Variants in CCDC7 observed in about 807,000 individuals in gnomAD.
The protein encoded by CCDC7 is coiled-coil domain containing 7.
CCDC7 carries 183 observed loss-of-function variants against 196.9 expected under a neutral mutation model. That is an observed-to-expected ratio of 0.93 (90% CI 0.82 to 1.05). The LOEUF (loss-of-function observed/expected upper bound fraction) is 1.05. Ranked by LOEUF, CCDC7 falls within the 50% of genes least tolerant of loss-of-function variation. The pLI, the probability that CCDC7 is intolerant of heterozygous loss-of-function variation, is 0.00. For missense variants in CCDC7, 1,540 were observed against 1,482.2 expected (o/e 1.04, Z -0.64); for synonymous variants, 525 against 484.6 (o/e 1.08, Z -1.10).
At chr10:32,488,396 G>T (rs1407106030) in intron 8 of CCDC7, among the ~76,000 whole-genome samples, 1 of 152,168 alleles carries the variant, frequency 6.6e-6, no homozygotes, top group Non-Finnish European at 1.5e-5. Context: ...CCCTTTCTTT[G>T]ACTAGGAAAG....
chr10:32,570,887 T>G (rs935401555), intron 15 of CCDC7, among the ~76,000 whole-genome samples: 1 of 152,034 alleles, frequency 6.6e-6, no homozygotes, highest in African/African-American at 2.4e-5. Flanking sequence ...AGAAACTGAA[T>G]TAGATGAAAA....
intron 26 of CCDC7, 118 bp downstream of exon 27, chr10:32,726,950 T>TCAGGGCAAAGTC: frequency 1.6e-6 from 1 of 641,700 alleles, no homozygotes; most frequent in Non-Finnish European, 2.5e-6. Context: ...ATCGTAGACT[T>TCAGGGCAAAGTC]TGCCCTGAAG....
intron 40 of CCDC7, among the ~76,000 whole-genome samples, chr10:32,852,457 C>T (rs2093599645): frequency 6.6e-6 from 1 of 152,096 alleles, no homozygotes; most frequent in Admixed American, 6.6e-5. Flanking sequence ...CACCCTGGTA[C>T]ATTTTCTACA....
rs938167910 is a variant in CCDC7 at position 32,656,711 on chromosome 10, A to C, written c.2015-7343A>C. Among the ~76,000 whole-genome samples the C allele has an allele frequency of 2.6e-5, 4 of 152,324 alleles. No individual in the cohort carries two copies. In the East Asian group the frequency reaches 7.7e-4, roughly 29 times the overall value. ...TGGGTGCGGCGAGCCAAACCATATC[A>C]TTCCACCCGGCCCCTCCCAAATCTC... On this transcript the variant is annotated intron_variant, in intron 20 of 41. Transcript: ENST00000639629.
chr10:32,780,449 GAC>G (rs2080865697), intron 29 of CCDC7, among the ~76,000 whole-genome samples: 1 of 152,130 alleles, frequency 6.6e-6, no homozygotes. Context: ...TTATGTTATG[GAC>G]ACACAATATA....
At chr10:32,824,942 G>A (rs1593170813) in intron 32 of CCDC7, among the ~76,000 whole-genome samples, 1 of 152,214 alleles carries the variant, frequency 6.6e-6, no homozygotes, top group East Asian at 1.9e-4. Context: ...TTATGAACAT[G>A]ATAACAAGAT....
chr10:32,459,400 A>G (rs1052763312), intron 3 of CCDC7, among the ~76,000 whole-genome samples: 3 of 152,020 alleles, frequency 2.0e-5, no homozygotes, highest in African/African-American at 7.3e-5. Flanking sequence ...CAGTAACACA[A>G]TTTCTTGGGA....
chr10:32,563,449 G>C (rs1247460185), intron 13 of CCDC7, among the ~76,000 whole-genome samples: 1 of 152,154 alleles, frequency 6.6e-6, no homozygotes, highest in Admixed American at 6.5e-5. Context: ...TACCAAAACA[G>C]AGATATAGAT....
intron 21 of CCDC7, among the ~76,000 whole-genome samples, chr10:32,671,181 T>C (rs2073992459): frequency 6.6e-6 from 1 of 152,154 alleles, no homozygotes; most frequent in Non-Finnish European, 1.5e-5. Context: ...ACCACTCACT[T>C]ACTCACTCAC....
At chr10:32,788,805 C>T (rs1281315381) in intron 29 of CCDC7, among the ~76,000 whole-genome samples, 1 of 152,240 alleles carries the variant, frequency 6.6e-6, no homozygotes, top group East Asian at 1.9e-4. Flanking sequence ...CCACAAATAA[C>T]AAGATTCAGG....
At chr10:32,492,212 C>A (rs1057080064) in intron 9 of CCDC7, among the ~76,000 whole-genome samples, 3 of 151,812 alleles carry the variant, frequency 2.0e-5, no homozygotes, top group Non-Finnish European at 2.9e-5. Flanking sequence ...ATAATTTTTA[C>A]ATGGAAAGTT....
At chr10:32,754,744 T>G (rs1335890457) in intron 28 of CCDC7, among the ~76,000 whole-genome samples, 1 of 152,072 alleles carries the variant, frequency 6.6e-6, no homozygotes, top group East Asian at 1.9e-4. Context: ...TTCAACTAAG[T>G]TAACGGGTTC....
chr10:32,465,292 A>G (rs1431452880), intron 5 of CCDC7, among the ~76,000 whole-genome samples: 7 of 152,158 alleles, frequency 4.6e-5, no homozygotes, highest in African/African-American at 7.2e-5. Context: ...ATTCAGAGCC[A>G]CATTTATTTT....
chr10:32,677,623 T>C (rs1427658162), intron 21 of CCDC7, among the ~76,000 whole-genome samples: 2 of 152,126 alleles, frequency 1.3e-5, no homozygotes, highest in African/African-American at 4.8e-5. Flanking sequence ...TGTGATGTCA[T>C]TTTTTTCTTT....
At chr10:32,835,959 T>G (rs569584384) in intron 33 of CCDC7, among the ~76,000 whole-genome samples, 8 of 152,048 alleles carry the variant, frequency 5.3e-5, no homozygotes, top group Admixed American at 4.6e-4. Context: ...AGAAGAGGAG[T>G]ATAACAGTCA....
At chr10:32,667,148 G>GTGTCTGT (rs1465175952) in intron 21 of CCDC7, among the ~76,000 whole-genome samples, 1 of 149,508 alleles carries the variant, frequency 6.7e-6, no homozygotes, top group Non-Finnish European at 1.5e-5. Context: ...ATTTTGTCAT[G>GTGTCTGT]TGGCTGCATA....
chr10:32,625,383 A>G (rs1437058624), intron 18 of CCDC7, among the ~76,000 whole-genome samples: 1 of 151,264 alleles, frequency 6.6e-6, no homozygotes, highest in African/African-American at 2.4e-5. Context: ...TATTATTATT[A>G]TTTTTATTTT....
chr10:32,725,684 A>T (rs1344323637), intron 25 of CCDC7, among the ~76,000 whole-genome samples: 2 of 152,036 alleles, frequency 1.3e-5, no homozygotes, highest in African/African-American at 4.8e-5. Flanking sequence ...GTGGAAGGGA[A>T]GGGGAACCAG....
chr10:32,716,121 A>T (rs1197491690), intron 25 of CCDC7, among the ~76,000 whole-genome samples: 5 of 152,208 alleles, frequency 3.3e-5, no homozygotes, highest in African/African-American at 1.2e-4. Context: ...CAAGGTTGAA[A>T]TGAAGGAAAA....
Sources: allele counts gnomAD v4.1 joint callset (sites outside exome capture counted in the v4.1 genomes callset), GRCh38; gene constraint gnomAD v4.1.1; transcripts MANE v1.5; gene names NCBI Gene and HGNC (gene_info 2026-07-23, HGNC 2026-07-21).